The following PROM1 variants were observed in gnomAD, a reference collection of about 807,000 sequenced individuals.
PROM1 encodes the protein prominin-1.
PROM1 carries 105 observed loss-of-function variants against 116.9 expected under a neutral mutation model. The ratio of observed to expected loss-of-function variants is 0.90; its 90% CI spans 0.77 to 1.06. The LOEUF (loss-of-function observed/expected upper bound fraction) is 1.06, where lower values mean the gene tolerates loss of function less well. Among genes scored for constraint, PROM1 ranks in the 50% least tolerant of loss-of-function variants. The pLI is 0.00. For synonymous variants in PROM1, 393 were observed against 387.0 expected, an observed-to-expected ratio of 1.02 and a Z score of -0.18; for missense variants, 1,122 against 1,045.2, an observed-to-expected ratio of 1.07 and a Z score of -1.01.
intron 6 of PROM1, among the ~76,000 whole-genome samples, chr4:16,024,847 A>G (rs527538513): frequency 9.6e-4 from 146 of 152,322 alleles, no homozygotes; most frequent in Admixed American, 3.3e-3. Context: ...AAGTGATGGA[A>G]AGTTAACTAT....
chr4:16,035,671 G>T, intron 4 of PROM1, 64 bp downstream of exon 4: 1 of 1,420,192 alleles, frequency 7.0e-7, no homozygotes, highest in Non-Finnish European at 1.0e-6. Context: ...TTCACAGTGA[G>T]GATGACAGTG....
chr4:16,048,985 T>G (rs1366568182), intron 2 of PROM1, among the ~76,000 whole-genome samples: 1 of 152,110 alleles, frequency 6.6e-6, no homozygotes, highest in Non-Finnish European at 1.5e-5. Context: ...GAGCCTGATA[T>G]CCTGACCATT....
chr4:16,067,371 C>T (rs1167435845), intron 2 of PROM1, among the ~76,000 whole-genome samples: 1 of 152,196 alleles, frequency 6.6e-6, no homozygotes, highest in Non-Finnish European at 1.5e-5. Context: ...CTGCCTCTGC[C>T]ACTGACCAGC....
chr4:16,082,419 A>T (rs1233064504), intron 1 of PROM1: 3 of 152,132 alleles, frequency 2.0e-5, no homozygotes, highest in Non-Finnish European at 2.9e-5. Context: ...CGCCCTCAGG[A>T]ACTCCAGCAA....
intron 22 of PROM1, among the ~76,000 whole-genome samples, chr4:15,985,207 T>A (rs1210422751): frequency 6.6e-6 from 1 of 152,194 alleles, no homozygotes; most frequent in African/African-American, 2.4e-5. Flanking sequence ...TCTAGAGAGA[T>A]TTAAAGCACA....
At chr4:16,083,232 C>T (rs967956451) in intron 1 of PROM1, 4 of 152,162 alleles carry the variant, frequency 2.6e-5, no homozygotes, top group African/African-American at 9.7e-5. Flanking sequence ...CGAGTCTCAC[C>T]TCGGTCACCG....
intron 9 of PROM1, among the ~76,000 whole-genome samples, chr4:16,017,021 G>C (rs1284900610): frequency 6.6e-6 from 1 of 152,206 alleles, no homozygotes; most frequent in Non-Finnish European, 1.5e-5. Flanking sequence ...TTAAATGGTA[G>C]TGTCGGGTCA....
At chr4:16,034,260 G>T (rs1260540188) in intron 4 of PROM1, among the ~76,000 whole-genome samples, 2 of 152,120 alleles carry the variant, frequency 1.3e-5, no homozygotes, top group Non-Finnish European at 2.9e-5. Context: ...TAGAAAAAAG[G>T]CTCAGACTCT....
At chr4:16,071,796 T>C (rs112636029) in intron 2 of PROM1, among the ~76,000 whole-genome samples, 4 of 152,282 alleles carry the variant, frequency 2.6e-5, no homozygotes, top group African/African-American at 9.6e-5. Context: ...TATGGTATTA[T>C]TCCAAGAAAC....
intron 2 of PROM1, among the ~76,000 whole-genome samples, chr4:16,051,201 C>A (rs531702741): frequency 6.6e-6 from 1 of 152,290 alleles, no homozygotes. Flanking sequence ...AGACATGAGA[C>A]AACATGACAG....
chr4:16,045,164 C>T (rs1736248246), intron 2 of PROM1, among the ~76,000 whole-genome samples: 1 of 152,130 alleles, frequency 6.6e-6, no homozygotes, highest in Non-Finnish European at 1.5e-5. Context: ...TCCTCCTTGA[C>T]CCACAGCCCG....
chr4:16,033,496 T>A lies in PROM1; in HGVS notation c.317A>T (p.Glu106Val), dbSNP rs760932772. The change falls in exon 5 of 28, where the codon GAA becomes GTA. Residue 106 changes from glutamate (E) to valine (V), a missense_variant. Transcript: ENST00000447510. ...VILGLKIVYY[E>V]AGIILCCVLG... ...GACACAGCATAGAATAATCCCTGCTTCATAGTAGACAATCTGCAATTCAAA... is the reference window on the plus strand; with the variant it reads ...GACACAGCATAGAATAATCCCTGCTACATAGTAGACAATCTGCAATTCAAA... 2 of 1,602,108 alleles carry A rather than the reference T, an allele frequency of 1.2e-6. No individual in the cohort carries two copies. The highest frequency in any genetic ancestry group is 2.3e-5 in the South Asian group (2 of 88,768).
intron 3 of PROM1, among the ~76,000 whole-genome samples, chr4:16,038,697 G>A (rs929741932): frequency 4.6e-5 from 7 of 152,092 alleles, no homozygotes; most frequent in African/African-American, 9.7e-5. Context: ...CACCACACCC[G>A]GCCTTAGTTT....
intron 23 of PROM1, among the ~76,000 whole-genome samples, chr4:15,981,345 C>T (rs1160139378): frequency 1.3e-5 from 2 of 151,220 alleles, no homozygotes; most frequent in Non-Finnish European, 3.0e-5. Context: ...CCGAGGCAGG[C>T]GGATCACGAG....
chr4:16,025,715 A>G (rs1251539010), intron 5 of PROM1, among the ~76,000 whole-genome samples: 3 of 116,608 alleles, frequency 2.6e-5, no homozygotes, highest in African/African-American at 4.5e-5. Context: ...GAACACACAC[A>G]CACGCACACA....
intron 2 of PROM1, among the ~76,000 whole-genome samples, chr4:16,056,152 A>G (rs1738957478): frequency 6.6e-6 from 1 of 152,170 alleles, no homozygotes; most frequent in Non-Finnish European, 1.5e-5. Flanking sequence ...GTGGATATTC[A>G]TTTAAGAGAG....
chr4:16,024,184 A>C, intron 7 of PROM1, 111 bp downstream of exon 7: 1 of 958,752 alleles, frequency 1.0e-6, no homozygotes, highest in Non-Finnish European at 1.6e-6. Flanking sequence ...CTAGGGAATC[A>C]TCTTTCTGTC....
At chr4:16,002,864 C>T (rs1036161861) in intron 13 of PROM1, among the ~76,000 whole-genome samples, 2 of 152,034 alleles carry the variant, frequency 1.3e-5, no homozygotes, top group Middle Eastern at 3.2e-3. Flanking sequence ...GAACCACTGC[C>T]CAAGGTCTGT....
chr4:16,014,717 C>T (rs1308698611), intron 10 of PROM1, among the ~76,000 whole-genome samples: 1 of 152,184 alleles, frequency 6.6e-6, no homozygotes, highest in East Asian at 1.9e-4. Flanking sequence ...TTACATCCAT[C>T]CTAAAAGACA....
Sources: allele counts gnomAD v4.1 joint callset (sites outside exome capture counted in the v4.1 genomes callset), GRCh38; gene constraint gnomAD v4.1.1; transcripts MANE v1.5; gene names NCBI Gene and HGNC (gene_info 2026-07-23, HGNC 2026-07-21).